Variants in PCGF5 observed in about 807,000 individuals in gnomAD.
PCGF5 encodes polycomb group ring finger 5, also known as polycomb group RING finger protein 5.
In PCGF5, 9 loss-of-function variants were observed where a neutral mutation model predicts 44.3. The observed-to-expected ratio is 0.20, with a 90% confidence interval of 0.12 to 0.35. The LOEUF (loss-of-function observed/expected upper bound fraction) is 0.35, where lower values mean the gene tolerates loss of function less well. Among genes scored for constraint, PCGF5 ranks in the 10% least tolerant of loss-of-function variants. The pLI is 1.00. For synonymous variants in PCGF5, 95 were observed against 102.5 expected (o/e 0.93, Z 0.44); for missense variants, 146 against 305.3 (o/e 0.48, Z 3.89).
intron 2 of PCGF5, among the ~76,000 whole-genome samples, chr10:91,240,249 T>G (rs1845287728): frequency 6.6e-6 from 1 of 152,224 alleles, no homozygotes. Context: ...GGTGTGTGAA[T>G]GCATTTAAGA....
At chr10:91,249,898 TAGTAAAA>T (rs1845582558) in intron 5 of PCGF5, among the ~76,000 whole-genome samples, 1 of 152,036 alleles carries the variant, frequency 6.6e-6, no homozygotes, top group Non-Finnish European at 1.5e-5. Context: ...AGTAGTGCTC[TAGTAAAA>T]ATACAGATAA....
chr10:91,195,528 A>G (rs768440040), intron 1 of PCGF5, among the ~76,000 whole-genome samples: 1 of 151,234 alleles, frequency 6.6e-6, no homozygotes, highest in Non-Finnish European at 1.5e-5. Context: ...TCTGTCACTC[A>G]GACGGGAGTG....
intron 2 of PCGF5, among the ~76,000 whole-genome samples, chr10:91,231,112 G>A (rs535385709): frequency 1.3e-5 from 2 of 152,276 alleles, no homozygotes; most frequent in South Asian, 4.2e-4. Flanking sequence ...TGCTTTAGTT[G>A]AAAATGTAAG....
At chr10:91,278,165 A>G in intron 9 of PCGF5, 104 bp from the exon 10 acceptor site, 2 of 945,344 alleles carry the variant, frequency 2.1e-6, no homozygotes, top group Non-Finnish European at 3.3e-6. Flanking sequence ...TAGTACCAGG[A>G]AATACTGTAA....
intron 6 of PCGF5, among the ~76,000 whole-genome samples, chr10:91,261,048 T>G (rs1236270980): frequency 6.6e-6 from 1 of 151,480 alleles, no homozygotes; most frequent in Admixed American, 6.6e-5. Flanking sequence ...AGCTCATGTT[T>G]TCTTTACTAA....
intron 1 of PCGF5, among the ~76,000 whole-genome samples, chr10:91,177,163 G>C (rs545294471): frequency 6.6e-6 from 1 of 152,336 alleles, no homozygotes; most frequent in African/African-American, 2.4e-5. Context: ...GAGTTTGCTG[G>C]AGGTCCACTT....
intron 2 of PCGF5, among the ~76,000 whole-genome samples, chr10:91,231,213 A>G (rs1297660747): frequency 1.3e-5 from 2 of 152,174 alleles, no homozygotes; most frequent in South Asian, 2.1e-4. Flanking sequence ...TCTCATTTAT[A>G]TTATAAATCA....
intron 1 of PCGF5, among the ~76,000 whole-genome samples, chr10:91,200,412 A>T (rs1447630588): frequency 6.6e-6 from 1 of 152,214 alleles, no homozygotes. Flanking sequence ...GTATAGAAAG[A>T]ACAGGGGATG....
At chr10:91,235,601 A>T (rs948499139) in intron 2 of PCGF5, among the ~76,000 whole-genome samples, 3 of 152,084 alleles carry the variant, frequency 2.0e-5, no homozygotes, top group African/African-American at 7.2e-5. Context: ...TCCCCACCCA[A>T]ATCTCAAATT....
At chr10:91,274,031 A>T (rs1232179403) in intron 9 of PCGF5, among the ~76,000 whole-genome samples, 4 of 151,888 alleles carry the variant, frequency 2.6e-5, no homozygotes, top group African/African-American at 7.3e-5. Context: ...GATTACCTAG[A>T]TTCATCAATT....
chr10:91,275,607 ATT>A (rs72439811), intron 9 of PCGF5, among the ~76,000 whole-genome samples: 30,411 of 128,704 alleles, frequency 0.24, 3,711 homozygotes, highest in Middle Eastern at 0.33. Context: ...TGCCCGGCTA[ATT>A]TTTTTTTTTT....
intron 1 of PCGF5, among the ~76,000 whole-genome samples, chr10:91,173,387 T>G (rs1168563114): frequency 2.0e-5 from 3 of 152,198 alleles, no homozygotes; most frequent in Non-Finnish European, 4.4e-5. Context: ...ATTTCTCTTT[T>G]AACCTTAAAA....
intron 9 of PCGF5, among the ~76,000 whole-genome samples, chr10:91,276,909 C>G (rs1267775102): frequency 6.6e-6 from 1 of 152,152 alleles, no homozygotes; most frequent in Non-Finnish European, 1.5e-5. Flanking sequence ...CAGAAACATC[C>G]AGAGTTTAGT....
At chr10:91,235,039 C>A (rs1170739076) in intron 2 of PCGF5, among the ~76,000 whole-genome samples, 1 of 152,152 alleles carries the variant, frequency 6.6e-6, no homozygotes, top group East Asian at 1.9e-4. Flanking sequence ...TAGCAGAGAG[C>A]CAAATCCTGG....
chr10:91,245,266 T>C (rs1020567753), intron 3 of PCGF5, among the ~76,000 whole-genome samples: 3 of 152,208 alleles, frequency 2.0e-5, no homozygotes, highest in Non-Finnish European at 4.4e-5. Context: ...TGTCATTTGT[T>C]GTTCATGGGT....
chr10:91,207,940 T>A (rs1844376483), intron 1 of PCGF5, among the ~76,000 whole-genome samples: 1 of 152,218 alleles, frequency 6.6e-6, no homozygotes, highest in Non-Finnish European at 1.5e-5. Context: ...TTAGGTAGCA[T>A]CCAATGGATT....
Position 91,198,524 on chromosome 10 carries a change from A to T in PCGF5, c.-183-24165A>T, listed in dbSNP as rs564304370. Among the ~76,000 whole-genome samples, 4 of 152,256 alleles carry T rather than the reference A, an allele frequency of 2.6e-5. No individual in the cohort carries two copies. In the South Asian group the frequency reaches 8.3e-4, roughly 32 times the overall value. On this transcript the variant is annotated intron_variant, in intron 1 of 9. Transcript: ENST00000614189. Reference sequence around the variant, plus strand: ...CCCTACTCTCCTGGAGGTCACCCCAAACCACTATTTCAGCATGACCATTGG... The same window carrying T: ...CCCTACTCTCCTGGAGGTCACCCCATACCACTATTTCAGCATGACCATTGG...
intron 6 of PCGF5, among the ~76,000 whole-genome samples, chr10:91,253,521 A>G (rs1031205410): frequency 2.6e-5 from 4 of 152,164 alleles, no homozygotes; most frequent in African/African-American, 4.8e-5. Context: ...AATTCATTAT[A>G]CTTTCATCTA....
At chr10:91,184,995 CAG>C (rs1406834306) in intron 1 of PCGF5, among the ~76,000 whole-genome samples, 1 of 152,210 alleles carries the variant, frequency 6.6e-6, no homozygotes, top group Non-Finnish European at 1.5e-5. Flanking sequence ...AGGAACAACA[CAG>C]GGGACCTGCT....
Sources: allele counts gnomAD v4.1 joint callset (sites outside exome capture counted in the v4.1 genomes callset), GRCh38; gene constraint gnomAD v4.1.1; transcripts MANE v1.5; gene names NCBI Gene and HGNC (gene_info 2026-07-23, HGNC 2026-07-21).